MGAT4C: variants seen among roughly 807,000 people sequenced by gnomAD.
MGAT4C encodes the protein MGAT4 family member C.
MGAT4C carries 19 observed loss-of-function variants against 40.1 expected under a neutral mutation model. That is an observed-to-expected ratio of 0.47 (90% CI 0.33 to 0.70). The LOEUF (loss-of-function observed/expected upper bound fraction) is 0.70. Among genes scored for constraint, MGAT4C ranks in the 30% least tolerant of loss-of-function variants. The pLI is 0.02. For missense variants in MGAT4C, 491 were observed against 563.2 expected, an observed-to-expected ratio of 0.87 and a Z score of 1.30; for synonymous variants, 181 against 187.1, an observed-to-expected ratio of 0.97 and a Z score of 0.27.
chr12:86,014,978 C>CTTTT (rs113674418), intron 2 of MGAT4C, among the ~76,000 whole-genome samples: 3 of 134,576 alleles, frequency 2.2e-5, no homozygotes, highest in Non-Finnish European at 3.2e-5. Flanking sequence ...TTCTTTCTTT[C>CTTTT]TTTTTTTTTT....
intron 2 of MGAT4C, among the ~76,000 whole-genome samples, chr12:86,523,213 T>C (rs1041562435): frequency 2.8e-4 from 43 of 152,116 alleles, no homozygotes; most frequent in African/African-American, 1.0e-3. Flanking sequence ...TCTAACTTTT[T>C]GATGTTGGCA....
intron 3 of MGAT4C, among the ~76,000 whole-genome samples, chr12:86,335,985 A>G (rs2136178197): frequency 6.6e-6 from 1 of 152,098 alleles, no homozygotes; most frequent in Admixed American, 6.6e-5. Flanking sequence ...TTCTAACAAA[A>G]CCTTCCTTTT....
At chr12:86,490,147 G>A (rs1332679014) in intron 2 of MGAT4C, among the ~76,000 whole-genome samples, 5 of 152,032 alleles carry the variant, frequency 3.3e-5, no homozygotes, top group African/African-American at 1.2e-4. Context: ...TGAAATGAAG[G>A]AAAAAATGTT....
rs1022446648 is a variant in MGAT4C at position 85,992,382 on chromosome 12, G to T, written c.-6-2830C>A. On this transcript the variant is annotated intron_variant, in intron 2 of 4. Coordinates refer to ENST00000611864, the MANE Select transcript of MGAT4C (RefSeq NM_001351288.2). ...GGGCAACTAAGGGTATCTGGCCAAG[G>T]CTACACCTTGGTGTTATCCAAAGGC... 2.6e-5 allele frequency among the ~76,000 whole-genome samples: 4 copies of T among 152,140 alleles called. No homozygotes were observed. In the South Asian group the frequency reaches 8.3e-4, roughly 31 times the overall value.
intron 2 of MGAT4C, among the ~76,000 whole-genome samples, chr12:86,493,800 T>C (rs1211510160): frequency 1.3e-5 from 2 of 151,656 alleles, no homozygotes; most frequent in African/African-American, 2.4e-5. Context: ...AGTATAATAA[T>C]AATAAAATAA....
intron 2 of MGAT4C, among the ~76,000 whole-genome samples, chr12:86,523,577 G>A (rs1958832173): frequency 1.3e-5 from 2 of 152,262 alleles, no homozygotes; most frequent in Admixed American, 6.5e-5. Context: ...TGGGAGTGGG[G>A]AGAGTTCCAC....
chr12:86,633,115 GAC>G (rs62903361), intron 2 of MGAT4C, among the ~76,000 whole-genome samples: 18,254 of 151,492 alleles, frequency 0.12, 1,807 homozygotes, highest in African/African-American at 0.28. Flanking sequence ...TGCCACATAC[GAC>G]CATAATTGAA....
rs115874382 is a variant in MGAT4C, at chr12:86,697,836, A to C, written c.-229+29373T>G. Among the ~76,000 whole-genome samples the C allele has an allele frequency of 4.9e-3, 739 of 152,202 alleles. 3 individuals are homozygous for C. Among genetic ancestry groups the C allele is most frequent in the African/African-American group, 0.017 (718 of 41,568 alleles). ...CTGAAGGTTATATAATAAAACATGA[A>C]ACTCTCATTCCTGCCTCTAATGTCT... On this transcript the variant is annotated intron_variant, in intron 2 of 7. Coordinates refer to the MGAT4C transcript ENST00000548651.
chr12:86,453,487 G>C (rs890430444), intron 2 of MGAT4C, among the ~76,000 whole-genome samples: 2 of 152,070 alleles, frequency 1.3e-5, no homozygotes, highest in African/African-American at 4.8e-5. Context: ...TCAGCTATGA[G>C]TAAAAGAAAC....
intron 1 of MGAT4C, among the ~76,000 whole-genome samples, chr12:86,083,655 G>A (rs1006559596): frequency 1.3e-5 from 2 of 151,980 alleles, no homozygotes; most frequent in African/African-American, 4.8e-5. Context: ...TACACAGAGT[G>A]AATTATATCT....
chr12:86,538,557 T>G (rs900981226), intron 2 of MGAT4C, among the ~76,000 whole-genome samples: 1 of 151,702 alleles, frequency 6.6e-6, no homozygotes, highest in Non-Finnish European at 1.5e-5. Context: ...CTTTTACTGA[T>G]AAAATATTTC....
intron 1 of MGAT4C, among the ~76,000 whole-genome samples, chr12:86,796,312 C>T (rs1273206045): frequency 1.3e-5 from 2 of 151,926 alleles, no homozygotes; most frequent in Non-Finnish European, 2.9e-5. Context: ...AAGTGTCAGT[C>T]TTTGTGCTAG....
intron 1 of MGAT4C, among the ~76,000 whole-genome samples, chr12:86,798,627 G>A (rs1262330092): frequency 6.6e-6 from 1 of 151,746 alleles, no homozygotes; most frequent in Non-Finnish European, 1.5e-5. Flanking sequence ...AATTTTGCAG[G>A]TGCTCAATAC....
Position 86,316,792 on chromosome 12 carries a change from C to A in MGAT4C, c.-57+17273G>T, listed in dbSNP as rs144920664. Among the ~76,000 whole-genome samples the A allele has an allele frequency of 3.0e-3, 456 of 152,188 alleles. 2 individuals carry two copies. The highest frequency in any genetic ancestry group is 0.01 in the African/African-American group (435 of 41,546). On this transcript the variant is annotated intron_variant, in intron 4 of 7. Coordinates refer to the MGAT4C transcript ENST00000548651. ...TCACTAGCTGGGTGATGGAATCAATCATACCATAAACCTCAACATCACACA... is the reference window on the plus strand; with the variant it reads ...TCACTAGCTGGGTGATGGAATCAATAATACCATAAACCTCAACATCACACA...
chr12:86,091,618 T>C (rs1267514326), intron 1 of MGAT4C, among the ~76,000 whole-genome samples: 1 of 152,064 alleles, frequency 6.6e-6, no homozygotes, highest in Non-Finnish European at 1.5e-5. Flanking sequence ...CTCAGAGAAA[T>C]GCTGAGGGAT....
chr12:86,456,392 T>G lies in MGAT4C; in HGVS notation c.-228-21127A>C, dbSNP rs183697330. Among the ~76,000 whole-genome samples, 320 of 152,196 alleles carry G rather than the reference T, an allele frequency of 2.1e-3. 3 individuals are homozygous for G. The highest frequency in any genetic ancestry group is 2.7e-3 in the Non-Finnish European group (183 of 67,962). On this transcript the variant is annotated intron_variant, in intron 2 of 7. Coordinates refer to the MGAT4C transcript ENST00000548651. ...CTTAAATAAACTACAGTCATGTGGA[T>G]AGTAAATGGCAGCCTGGCATTCAGA...
At chr12:86,205,181 T>G (rs1256746980) in intron 1 of MGAT4C, among the ~76,000 whole-genome samples, 1 of 151,864 alleles carries the variant, frequency 6.6e-6, no homozygotes, top group Admixed American at 6.6e-5. Flanking sequence ...CATGAAACAT[T>G]TTTAATGAAA....
chr12:86,613,706 A>G (rs150269175), intron 2 of MGAT4C, among the ~76,000 whole-genome samples: 1 of 152,246 alleles, frequency 6.6e-6, no homozygotes, highest in African/African-American at 2.4e-5. Flanking sequence ...AAACCAAAAT[A>G]TATTTTATAT....
At chr12:86,498,396 G>C (rs889437671) in intron 2 of MGAT4C, among the ~76,000 whole-genome samples, 1 of 151,704 alleles carries the variant, frequency 6.6e-6, no homozygotes, top group Non-Finnish European at 1.5e-5. Context: ...CAGGTGAACT[G>C]TGTAGCCTAC....
Sources: allele counts gnomAD v4.1 joint callset (sites outside exome capture counted in the v4.1 genomes callset), GRCh38; gene constraint gnomAD v4.1.1; transcripts MANE v1.5; gene names NCBI Gene and HGNC (gene_info 2026-07-23, HGNC 2026-07-21).